Variants in CREB3L1 observed in about 807,000 individuals in gnomAD.
The protein encoded by CREB3L1 is cAMP responsive element binding protein 3 like 1.
A neutral mutation model predicts 54.5 loss-of-function variants in CREB3L1; 33 were observed. The observed-to-expected ratio is 0.61, with a 90% CI of 0.46 to 0.81. CREB3L1 has a LOEUF of 0.81. Ranked by LOEUF, CREB3L1 falls within the 30% of genes least tolerant of loss-of-function variation. The probability of loss-of-function intolerance (pLI) is 0.00; values close to 1 mark genes in which losing one functional copy is unlikely to be tolerated. For synonymous variants in CREB3L1, 284 were observed against 286.4 expected, an observed-to-expected ratio of 0.99 and a Z score of 0.08; for missense variants, 656 against 673.3, an observed-to-expected ratio of 0.97 and a Z score of 0.29.
rs577026109 is a variant in CREB3L1 at position 46,278,594 on chromosome 11, T to A, written c.102+381T>A. ...TCCTGCGCCTCCCTTGGGGCTTCGG[T>A]GGCTCATAGGCTGGATCTCCGCTGG... On this transcript the variant is annotated intron_variant, in intron 1 of 11. Coordinates refer to ENST00000621158, the MANE Select transcript of CREB3L1 (RefSeq NM_052854.4). This position sits in a 1 kb window ranked among gnomAD's most constrained non-coding sequence, Gnocchi z 4.2. 5.3e-5 allele frequency among the ~76,000 whole-genome samples: 8 copies of A among 152,272 alleles called. No individual in the cohort carries two copies. Among genetic ancestry groups the A allele is most frequent in the African/African-American group, 1.9e-4 (8 of 41,568 alleles).
In CREB3L1 at chr11:46,317,479, C is replaced by A. The variant is rs1489898361; in HGVS notation, c.1250C>A (p.Ala417Asp). The A allele has an allele frequency of 2.5e-6, 4 of 1,609,442 alleles. No individual in the cohort carries two copies. The African/African-American group carries it at 5.3e-5, about 21-fold the overall frequency. The change falls in exon 10 of 12, where the codon GCC becomes GAC. Residue 417 changes from alanine to aspartate, a missense_variant. Physicochemically the swap from Ala to Asp is moderately radical, Grantham distance 126 (BLOSUM62 -2). Around this residue, in one of 3 missense-constraint regions of CREB3L1, gnomAD observed 240 missense variants for 219.8 expected, o/e 1.09. Transcript: ENST00000621158. ...DPLAADGVYT[A>D]SQMPSRSLLF... is the part of the protein sequence containing the mutation. The stretch of plus-strand genomic sequence containing the variant: ...CTGGCCGCAGACGGCGTCTACACGG[C>A]CAGCCAGAGTGAGTGCCCGCCTGTC...
At chr11:46,305,678 G>GTATATA (rs1939380028) in intron 2 of CREB3L1, among the ~76,000 whole-genome samples, 7 of 118,364 alleles carry the variant, frequency 5.9e-5, no homozygotes, top group Admixed American at 5.1e-4. Flanking sequence ...ATATATGTGT[G>GTATATA]TGTGTGTATA....
At chr11:46,320,629 C>T in intron 11 of CREB3L1, 81 bp from the exon 12 acceptor site, 8 of 1,556,626 alleles carry the variant, frequency 5.1e-6, no homozygotes, top group Middle Eastern at 1.7e-4. Context: ...AGGCCCCATC[C>T]CTACTTGGTC....
At chr11:46,291,741 T>C (rs1939134014) in intron 1 of CREB3L1, among the ~76,000 whole-genome samples, 1 of 152,210 alleles carries the variant, frequency 6.6e-6, no homozygotes, top group African/African-American at 2.4e-5. Flanking sequence ...TCCCCTCCCT[T>C]GGAGGCCCAG....
chr11:46,285,731 A>G (rs922484203), intron 1 of CREB3L1, among the ~76,000 whole-genome samples: 34 of 152,032 alleles, frequency 2.2e-4, no homozygotes, highest in African/African-American at 8.2e-4. Flanking sequence ...CCCAGAAGCC[A>G]CTTCACCCAT....
Position 46,307,834 on chromosome 11 carries a change from G to A in CREB3L1, c.350G>A (p.Trp117Ter). ...CCCCTAGATGCAGAGCATGGAGCAT[G>A]GGCGCTGGGACACAAACTGTGCTCC... ...DTTQDAEHGA[W>*]ALGHKLCSIM... Residue 117 changes from tryptophan to a stop codon, truncating the protein, a stop_gained, in exon 3 of 12, where the codon TGG (tryptophan) becomes TAG (stop). Coordinates refer to ENST00000621158, the MANE Select transcript of CREB3L1 (RefSeq NM_052854.4). LOFTEE classifies it high-confidence loss of function. 6.3e-7 allele frequency: 1 copy of A among 1,578,372 alleles called. No individual in the cohort carries two copies. The highest frequency in any genetic ancestry group is 8.6e-7 in the Non-Finnish European group (1 of 1,162,068).
In CREB3L1 at chr11:46,295,923, G is replaced by A. The variant is rs1330598934; in HGVS notation, c.103-4012G>A. Among the ~76,000 whole-genome samples the A allele has an allele frequency of 6.6e-6, 1 of 152,240 alleles. No homozygotes were observed. The highest frequency in any genetic ancestry group is 6.5e-5 in the Admixed American group (1 of 15,288). The stretch of plus-strand genomic sequence containing the variant: ...AGGGAGGGAAGCCGGCGCCGGCTGC[G>A]CGTGACAGCCGAGAAGGAGCTTATA... On this transcript the variant is annotated intron_variant, in intron 1 of 11. Coordinates refer to ENST00000621158, the MANE Select transcript of CREB3L1 (RefSeq NM_052854.4). This position sits in a 1 kb window ranked among gnomAD's most constrained non-coding sequence, Gnocchi z 4.6.
At chr11:46,308,935 AGAG>A (rs956367998) in intron 3 of CREB3L1, among the ~76,000 whole-genome samples, 5 of 152,354 alleles carry the variant, frequency 3.3e-5, no homozygotes, top group African/African-American at 1.2e-4. Context: ...CAGCCAGGGA[AGAG>A]GAGACTTCAG....
rs2136330624 is a variant in CREB3L1 at position 46,277,768 on chromosome 11, A to C, written c.-344A>C. On this transcript the variant is annotated 5_prime_UTR_variant, in exon 1 of 12. Coordinates refer to ENST00000621158, the MANE Select transcript of CREB3L1 (RefSeq NM_052854.4). ...ACTTAGCTCCCCCGCCCCGGCTCCCACCCTGTCCGGGGGGCTCCTGAAGCC... is the reference window on the plus strand; with the variant it reads ...ACTTAGCTCCCCCGCCCCGGCTCCCCCCCTGTCCGGGGGGCTCCTGAAGCC... The C allele has an allele frequency of 4.0e-6, 1 of 248,126 alleles. No homozygotes were observed. The allele number at this position is 248,126 out of a possible 1,614,324, so 15.4% of individuals were successfully genotyped here. A position where few individuals can be genotyped will look rare whatever the true frequency, so the allele number is the denominator to read the frequency against.
chr11:46,277,856 T>G lies in CREB3L1; in HGVS notation c.-256T>G. 2.8e-6 allele frequency: 1 copy of G among 350,886 alleles called. No individual in the cohort carries two copies. The highest frequency in any genetic ancestry group is 5.1e-6 in the Non-Finnish European group (1 of 195,146). 21.7% of individuals were successfully genotyped at this position (350,886 alleles called of 1,614,324 possible). ...GTGCCCCAGGAGGAGCAGGAGGAGGTGGAGTCGGCTGAATGCCCACGGTGC... is the reference window on the plus strand; with the variant it reads ...GTGCCCCAGGAGGAGCAGGAGGAGGGGGAGTCGGCTGAATGCCCACGGTGC... On this transcript the variant is annotated 5_prime_UTR_variant, in exon 1 of 12. Coordinates refer to ENST00000621158, the MANE Select transcript of CREB3L1 (RefSeq NM_052854.4).
chr11:46,279,468 C>T (rs763376991), intron 1 of CREB3L1, among the ~76,000 whole-genome samples: 1 of 152,176 alleles, frequency 6.6e-6, no homozygotes, highest in Non-Finnish European at 1.5e-5. Context: ...GCAGAGAGAG[C>T]ATAATTCAGC....
chr11:46,282,318 C>T (rs887942857), intron 1 of CREB3L1, among the ~76,000 whole-genome samples: 2 of 152,134 alleles, frequency 1.3e-5, no homozygotes, highest in African/African-American at 2.4e-5. Context: ...GTTCTCATTA[C>T]CTTGAGCCAT....
chr11:46,281,328 G>A (rs1012784022), intron 1 of CREB3L1, among the ~76,000 whole-genome samples: 16 of 152,218 alleles, frequency 1.1e-4, no homozygotes, highest in Non-Finnish European at 1.6e-4. Context: ...AAGGACCAGA[G>A]GGAGAGCAGG....
chr11:46,293,949 G>A (rs1939166856), intron 1 of CREB3L1, among the ~76,000 whole-genome samples: 2 of 152,198 alleles, frequency 1.3e-5, no homozygotes, highest in Admixed American at 1.3e-4. Context: ...ATACCTGACA[G>A]CGTCAGCCTA....
At chr11:46,302,413 G>GATT (rs1207333607) in intron 2 of CREB3L1, among the ~76,000 whole-genome samples, 3 of 151,966 alleles carry the variant, frequency 2.0e-5, no homozygotes. Flanking sequence ...CAGCATTCAA[G>GATT]ACCCACATTG....
chr11:46,312,815 G>A (rs888570669), intron 7 of CREB3L1, 36 bp from the exon 8 acceptor site: 2 of 1,566,186 alleles, frequency 1.3e-6, no homozygotes, highest in Admixed American at 1.9e-5. Flanking sequence ...GAGTCTGGGG[G>A]CTGCCCCTGA....
At chr11:46,306,083 C>T (rs889085236) in intron 2 of CREB3L1, among the ~76,000 whole-genome samples, 2 of 152,030 alleles carry the variant, frequency 1.3e-5, no homozygotes, top group Non-Finnish European at 2.9e-5. Context: ...CTCGCTCTGT[C>T]ACCCAGCTGG....
intron 1 of CREB3L1, among the ~76,000 whole-genome samples, chr11:46,290,630 C>T (rs1413343924): frequency 1.3e-5 from 2 of 152,006 alleles, no homozygotes; most frequent in South Asian, 4.1e-4. Flanking sequence ...AGGGGAAGGG[C>T]TCCTGCCTCT....
chr11:46,294,101 A>G (rs2136341172), intron 1 of CREB3L1, among the ~76,000 whole-genome samples: 1 of 152,338 alleles, frequency 6.6e-6, no homozygotes, highest in East Asian at 1.9e-4. Context: ...GGAACCCCTC[A>G]GCCCACATCT....
Sources: allele counts gnomAD v4.1 joint callset (sites outside exome capture counted in the v4.1 genomes callset), GRCh38; gene constraint gnomAD v4.1.1; regional missense constraint gnomAD v4.1.1; non-coding constraint Gnocchi (gnomAD v3.1); transcripts MANE v1.5; gene names NCBI Gene and HGNC (gene_info 2026-07-23, HGNC 2026-07-21).